DNAJC11: variants seen among roughly 807,000 people sequenced by gnomAD.
DNAJC11 encodes DnaJ heat shock protein family (Hsp40) member C11.
Under a neutral mutation model 78.6 loss-of-function variants are expected in DNAJC11, and 15 were observed. That is an observed-to-expected ratio of 0.19 (90% CI 0.13 to 0.29). The LOEUF is 0.29. DNAJC11 is among the 10% of genes least tolerant of loss of function. The probability of loss-of-function intolerance (pLI) is 1.00; values close to 1 mark genes in which losing one functional copy is unlikely to be tolerated. For synonymous variants in DNAJC11, 292 were observed against 272.1 expected, an observed-to-expected ratio of 1.07 and a Z score of -0.72; for missense variants, 547 against 709.6, an observed-to-expected ratio of 0.77 and a Z score of 2.60.
intron 3 of DNAJC11, chr1:6,670,684 A>G (rs979165331): frequency 6.6e-6 from 1 of 152,176 alleles, no homozygotes; most frequent in Non-Finnish European, 1.5e-5. Context: ...AACAAACTAA[A>G]GGTCCTAAGT....
In DNAJC11 at chr1:6,638,379, A is replaced by G. The variant is rs1225833083; in HGVS notation, c.1254-15T>C. 1 of 1,611,660 alleles carries G rather than the reference A, an allele frequency of 6.2e-7. No individual in the cohort carries two copies. The highest frequency in any genetic ancestry group is 1.7e-5 in the Admixed American group (1 of 59,946). On this transcript the variant is annotated splice_polypyrimidine_tract_variant and intron_variant, in intron 11 of 15. Transcript: ENST00000377577. Reference sequence around the variant, plus strand: ...TCTCCAATTCCCTTACGCGAGAGGAACACAAGCCCCACGTTAGCGCGGCGC... The same window carrying G: ...TCTCCAATTCCCTTACGCGAGAGGAGCACAAGCCCCACGTTAGCGCGGCGC...
chr1:6,645,958 GCA>G lies in DNAJC11; in HGVS notation c.723_724del (p.Ala242SerfsTer41), dbSNP rs1641958535. The G allele has an allele frequency of 6.2e-7, 1 of 1,614,156 alleles. No homozygotes were observed. The highest frequency in any genetic ancestry group is 1.7e-5 in the Admixed American group (1 of 60,022). On this transcript the variant is annotated frameshift_variant, in exon 8 of 16. Coordinates refer to ENST00000377577, the MANE Select transcript of DNAJC11 (RefSeq NM_018198.4). LOFTEE classifies it high-confidence loss of function. The surrounding 1 kb of genome is among the most constrained non-coding windows in gnomAD (Gnocchi z 4.1). ...GATTCCACGGGATGAAAACTGCAGA[GCA>G]CAGTTTGTTGTCACAAAGCTGGAGA...
intron 4 of DNAJC11, among the ~76,000 whole-genome samples, chr1:6,667,143 C>T (rs1475636500): frequency 1.3e-5 from 2 of 152,170 alleles, no homozygotes; most frequent in Non-Finnish European, 2.9e-5. Context: ...TCTGGGACAC[C>T]GATGCTGCTC....
In DNAJC11 at chr1:6,654,029, C is replaced by A. The variant is rs781562877; in HGVS notation, c.389G>T (p.Ser130Ile). The A allele has an allele frequency of 6.2e-7, 1 of 1,612,894 alleles. No individual in the cohort carries two copies. The highest frequency in any genetic ancestry group is 8.5e-7 in the Non-Finnish European group (1 of 1,179,078). ...QQRTNPKGTI[S>I]VGVDATDLFD... ...AAGGTCGGTGGCATCTACTCCAACG[C>A]TGATCGTTCCCTGGGGCAGAAAAAC... is the stretch of plus-strand genomic sequence containing the variant. Residue 130 changes from serine to isoleucine, a missense_variant, in exon 5 of 16, where the codon AGC (serine) becomes ATC (isoleucine). Coordinates refer to ENST00000377577, the MANE Select transcript of DNAJC11 (RefSeq NM_018198.4).
chr1:6,662,128 GTTTTTTGT>G (rs1224203992), intron 4 of DNAJC11, among the ~76,000 whole-genome samples: 10 of 137,854 alleles, frequency 7.3e-5, no homozygotes, highest in Non-Finnish European at 9.3e-5. Flanking sequence ...ATTGTTTTTT[GTTTTTTGT>G]TTTTTTTTTT....
intron 1 of DNAJC11, among the ~76,000 whole-genome samples, chr1:6,682,796 C>T (rs367704546): frequency 5.9e-5 from 9 of 152,104 alleles, no homozygotes; most frequent in East Asian, 5.8e-4. Flanking sequence ...GGCGTGGAGG[C>T]GCTTGCCTGT....
chr1:6,654,781 CTT>C (rs3062933), intron 4 of DNAJC11, among the ~76,000 whole-genome samples: 13 of 141,780 alleles, frequency 9.2e-5, no homozygotes, highest in Admixed American at 1.4e-4. Context: ...GCTAGCTTTT[CTT>C]TTTTTTTTTT....
At position 6,652,838 on chromosome 1, in the gene DNAJC11, T is replaced by C; in HGVS notation, c.621A>G (p.Gly207=). Residue 207 remains glycine (G), a synonymous_variant, in exon 6 of 16, where the codon GGA becomes GGG. Coordinates refer to ENST00000377577, the MANE Select transcript of DNAJC11 (RefSeq NM_018198.4). The part of the protein sequence containing the change: ...FALRRVTSAK[G]WGELEFGAGD... ...CAATAGACATTCTTACCTCTCCCCA[T>C]CCCTTTGCCGAAGTTACTCGTCTGA... 1 of 1,614,116 alleles carries C rather than the reference T, an allele frequency of 6.2e-7. No homozygotes were observed. The highest frequency in any genetic ancestry group is 8.5e-7 in the Non-Finnish European group (1 of 1,179,994).
At chr1:6,690,215 C>G (rs928045160) in intron 1 of DNAJC11, among the ~76,000 whole-genome samples, 1 of 151,988 alleles carries the variant, frequency 6.6e-6, no homozygotes, top group Admixed American at 6.6e-5. Context: ...TATATATATA[C>G]CAGATCAACG....
intron 1 of DNAJC11, among the ~76,000 whole-genome samples, chr1:6,700,930 T>C (rs1387765970): frequency 2.6e-5 from 4 of 152,102 alleles, no homozygotes; most frequent in Non-Finnish European, 5.9e-5. Flanking sequence ...TTCACACCTA[T>C]CTCAACTCCA....
At chr1:6,671,513 G>A (rs201152) in intron 3 of DNAJC11, among the ~76,000 whole-genome samples, 56 of 147,368 alleles carry the variant, frequency 3.8e-4, no homozygotes, top group African/African-American at 1.4e-3. Flanking sequence ...TGGAATTAGA[G>A]GCGTGAGCCA....
chr1:6,665,769 C>A (rs1642284279), intron 4 of DNAJC11, among the ~76,000 whole-genome samples: 1 of 152,168 alleles, frequency 6.6e-6, no homozygotes, highest in South Asian at 2.1e-4. Flanking sequence ...GGTTCTCTTT[C>A]CCTTTCACTG....
chr1:6,683,305 C>T (rs1429609227), intron 1 of DNAJC11, among the ~76,000 whole-genome samples: 1 of 152,064 alleles, frequency 6.6e-6, no homozygotes, highest in Non-Finnish European at 1.5e-5. Flanking sequence ...TGTTTGGATG[C>T]AGGATCTGTC....
chr1:6,655,179 C>T (rs1296817904), intron 4 of DNAJC11, among the ~76,000 whole-genome samples: 1 of 152,174 alleles, frequency 6.6e-6, no homozygotes, highest in Non-Finnish European at 1.5e-5. Flanking sequence ...GGTGAAACAC[C>T]TGACATTATG....
At chr1:6,670,511 G>A (rs1330899172) in intron 3 of DNAJC11, 1 of 151,760 alleles carries the variant, frequency 6.6e-6, no homozygotes, top group African/African-American at 2.4e-5. Flanking sequence ...ATACAAAAAC[G>A]CATCCAAAAA....
At chr1:6,687,382 A>G in intron 1 of DNAJC11, among the ~76,000 whole-genome samples, 1 of 132,712 alleles carries the variant, frequency 7.5e-6, no homozygotes. Context: ...TTTGAGACAG[A>G]GTCTCGCTCT....
intron 10 of DNAJC11, among the ~76,000 whole-genome samples, chr1:6,640,922 A>C (rs1033898569): frequency 8.5e-5 from 13 of 152,232 alleles, no homozygotes; most frequent in African/African-American, 3.1e-4. Context: ...CAAGAAGTTT[A>C]GGAAACCCCA....
At chr1:6,650,822 G>A (rs145460058) in intron 7 of DNAJC11, among the ~76,000 whole-genome samples, 4 of 151,948 alleles carry the variant, frequency 2.6e-5, no homozygotes, top group African/African-American at 7.2e-5. Flanking sequence ...GCAGTGAGCC[G>A]AGATCACACC....
At chr1:6,639,326 C>CA (rs919768258) in intron 11 of DNAJC11, among the ~76,000 whole-genome samples, 4 of 149,804 alleles carry the variant, frequency 2.7e-5, no homozygotes, top group Admixed American at 1.3e-4. Flanking sequence ...AGAGGATCAA[C>CA]ACTTTTTTTT....
Sources: gnomAD v4.1 joint callset for allele counts (sites outside exome capture counted in the v4.1 genomes callset) on GRCh38, gnomAD v4.1.1 for gene constraint, Gnocchi (gnomAD v3.1) non-coding constraint, MANE v1.5 for transcripts, NCBI Gene and HGNC (gene_info 2026-07-23, HGNC 2026-07-21) for gene names.